The following CYP19A1 variants were observed in gnomAD, a reference collection of about 807,000 sequenced individuals.
The protein encoded by CYP19A1 is aromatase.
CYP19A1 carries 32 observed loss-of-function variants against 44.4 expected under a neutral mutation model. That is an observed-to-expected ratio of 0.72 (90% confidence interval 0.54 to 0.97). The LOEUF (loss-of-function observed/expected upper bound fraction) is 0.97. CYP19A1 is among the 50% of genes least tolerant of loss of function. The pLI, the probability that CYP19A1 is intolerant of heterozygous loss-of-function variation, is 0.00. For missense variants in CYP19A1, 598 were observed against 637.8 expected (o/e 0.94, Z 0.67); for synonymous variants, 212 against 215.6 (o/e 0.98, Z 0.14).
At chr15:51,333,302 T>A (rs1391946837) in intron 1 of CYP19A1, among the ~76,000 whole-genome samples, 1 of 152,148 alleles carries the variant, frequency 6.6e-6, no homozygotes, top group South Asian at 2.1e-4. Context: ...CAATCCCCTA[T>A]CAAGTCACTG....
intron 1 of CYP19A1, among the ~76,000 whole-genome samples, chr15:51,315,106 C>T (rs1207580198): frequency 6.6e-6 from 1 of 152,120 alleles, no homozygotes; most frequent in Non-Finnish European, 1.5e-5. Context: ...TCTCACTGGC[C>T]TTGAGATAAC....
chr15:51,274,367 AC>A (rs1223834781), intron 1 of CYP19A1, among the ~76,000 whole-genome samples: 1 of 152,194 alleles, frequency 6.6e-6, no homozygotes, highest in Non-Finnish European at 1.5e-5. Flanking sequence ...TAGAGGAATT[AC>A]CCATAGATAT....
intron 1 of CYP19A1, among the ~76,000 whole-genome samples, chr15:51,300,457 G>T (rs908338111): frequency 6.6e-6 from 1 of 152,232 alleles, no homozygotes; most frequent in African/African-American, 2.4e-5. Flanking sequence ...TGGGGCAGAT[G>T]ATTGGGTGTG....
intron 1 of CYP19A1, among the ~76,000 whole-genome samples, chr15:51,268,959 C>G (rs1036943825): frequency 6.6e-6 from 1 of 151,954 alleles, no homozygotes; most frequent in Non-Finnish European, 1.5e-5. Flanking sequence ...TTGTCTGATA[C>G]GTGTTGTTTT....
intron 3 of CYP19A1, among the ~76,000 whole-genome samples, chr15:51,231,220 C>G (rs909676060): frequency 6.6e-5 from 10 of 152,096 alleles, no homozygotes; most frequent in South Asian, 4.1e-4. Flanking sequence ...TCTAATTGAG[C>G]CTTTAGACCC....
chr15:51,230,729 G>A (rs553693000), intron 3 of CYP19A1, among the ~76,000 whole-genome samples: 4 of 149,400 alleles, frequency 2.7e-5, no homozygotes, highest in East Asian at 4.0e-4. Flanking sequence ...AGCAATTCTC[G>A]TGCCACAGCC....
chr15:51,247,897 C>T (rs187688412), intron 1 of CYP19A1, among the ~76,000 whole-genome samples: 26 of 152,176 alleles, frequency 1.7e-4, no homozygotes, highest in Admixed American at 3.3e-4. Context: ...TCTCAAGATA[C>T]GTCCCTGTAT....
At chr15:51,280,126 T>A (rs1030772539) in intron 1 of CYP19A1, 17 of 149,712 alleles carry the variant, frequency 1.1e-4, no homozygotes, top group Non-Finnish European at 2.4e-4. Flanking sequence ...TCTTTTTTTT[T>A]TTTTTTTTTT....
In CYP19A1 at chr15:51,210,763, A is replaced by T. The variant is rs933221906; in HGVS notation, c.*45T>A. The T allele has an allele frequency of 1.6e-6, 2 of 1,231,364 alleles. No homozygotes were observed. The highest frequency in any genetic ancestry group is 1.5e-5 in the African/African-American group (1 of 68,370). 76.3% of individuals were successfully genotyped at this position (1,231,364 alleles called of 1,614,324 possible). ...GCAAGGATGGATGATTTGTATGTGA[A>T]CTACTGATGAGAAATGCTCCAGAGT... On this transcript the variant is annotated 3_prime_UTR_variant, in exon 10 of 10. Coordinates refer to ENST00000396402, the MANE Select transcript of CYP19A1 (RefSeq NM_000103.4).
intron 1 of CYP19A1, among the ~76,000 whole-genome samples, chr15:51,336,277 T>C (rs2036773232): frequency 6.6e-6 from 1 of 152,250 alleles, no homozygotes; most frequent in Non-Finnish European, 1.5e-5. Flanking sequence ...ATGCTATTCC[T>C]GGCTCCTGGC....
chr15:51,223,067 T>C (rs540228524), intron 4 of CYP19A1, among the ~76,000 whole-genome samples: 2 of 152,326 alleles, frequency 1.3e-5, no homozygotes, highest in South Asian at 4.1e-4. Context: ...CTCTTAATTT[T>C]GATTTCTCTT....
intron 9 of CYP19A1, 146 bp from the exon 10 acceptor site, chr15:51,211,202 C>G: frequency 1.5e-6 from 1 of 689,544 alleles, no homozygotes; most frequent in Non-Finnish European, 2.6e-6. Context: ...AGATGAACAA[C>G]TGGAACTCAA....
chr15:51,226,737 G>T (rs549923439), intron 4 of CYP19A1, among the ~76,000 whole-genome samples: 1 of 151,352 alleles, frequency 6.6e-6, no homozygotes, highest in Non-Finnish European at 1.5e-5. Flanking sequence ...TAATGTCAAG[G>T]GTTAGTCGTG....
chr15:51,219,649 G>A (rs1476928349), intron 5 of CYP19A1, among the ~76,000 whole-genome samples: 1 of 152,142 alleles, frequency 6.6e-6, no homozygotes, highest in Admixed American at 6.5e-5. Flanking sequence ...GGTCCCTTAG[G>A]CAAATTGAGA....
intron 1 of CYP19A1, among the ~76,000 whole-genome samples, chr15:51,264,878 C>T (rs1418538963): frequency 6.6e-6 from 1 of 152,212 alleles, no homozygotes; most frequent in Non-Finnish European, 1.5e-5. Context: ...GATAGATGTG[C>T]TTTCCAGGTC....
chr15:51,310,042 T>C (rs1003630787), intron 1 of CYP19A1, among the ~76,000 whole-genome samples: 5 of 152,142 alleles, frequency 3.3e-5, no homozygotes, highest in South Asian at 4.1e-4. Flanking sequence ...GGCCAGGGAA[T>C]ATAGGATTCC....
intron 1 of CYP19A1, among the ~76,000 whole-genome samples, chr15:51,331,954 C>T (rs1323133426): frequency 1.3e-5 from 2 of 151,772 alleles, no homozygotes; most frequent in Non-Finnish European, 2.9e-5. Flanking sequence ...CACACACACA[C>T]ATACATATAT....
Position 51,287,905 on chromosome 15 carries a change from A to G in CYP19A1, c.-38-44955T>C, listed in dbSNP as rs150044465. 5.9e-3 allele frequency among the ~76,000 whole-genome samples: 892 copies of G among 152,332 alleles called. 5 individuals are homozygous for G. The highest frequency in any genetic ancestry group is 0.016 in the Admixed American group (251 of 15,292). On this transcript the variant is annotated intron_variant, in intron 1 of 9. Transcript: ENST00000396402. ...GCTCAATGCCTCAGTGGAAAAATCA[A>G]TGGGTAAATAAATCTGATATGCATA...
chr15:51,310,631 G>T (rs2036293957), intron 1 of CYP19A1, among the ~76,000 whole-genome samples: 1 of 152,342 alleles, frequency 6.6e-6, no homozygotes, highest in East Asian at 1.9e-4. Context: ...AGGGGTCCCT[G>T]TTATGTCAAA....
Sources: allele counts gnomAD v4.1 joint callset (sites outside exome capture counted in the v4.1 genomes callset), GRCh38; gene constraint gnomAD v4.1.1; transcripts MANE v1.5; gene names NCBI Gene and HGNC (gene_info 2026-07-23, HGNC 2026-07-21).